Variants in KIAA0232 observed in about 807,000 individuals in gnomAD.
KIAA0232 encodes KIAA0232.
KIAA0232 carries 27 observed loss-of-function variants against 122.0 expected under a neutral mutation model. That is an observed-to-expected ratio of 0.22 (90% confidence interval 0.16 to 0.31). The LOEUF is 0.31. Among genes scored for constraint, KIAA0232 ranks in the 10% least tolerant of loss-of-function variants. KIAA0232 has a pLI of 1.00. For synonymous variants in KIAA0232, 613 were observed against 587.6 expected (o/e 1.04, Z -0.63); for missense variants, 1,551 against 1,634.2 (o/e 0.95, Z 0.88).
At chr4:6,867,932 T>C (rs984167857) in intron 7 of KIAA0232, among the ~76,000 whole-genome samples, 3 of 152,258 alleles carry the variant, frequency 2.0e-5, no homozygotes, top group Non-Finnish European at 4.4e-5. Context: ...CCAGCAGTTC[T>C]GTGTCTCTTG....
intron 4 of KIAA0232, among the ~76,000 whole-genome samples, chr4:6,845,339 G>A (rs1278825342): frequency 6.6e-6 from 1 of 152,152 alleles, no homozygotes; most frequent in African/African-American, 2.4e-5. Flanking sequence ...TGGTTAAAAT[G>A]GTGGGTTTTT....
chr4:6,797,625 G>A (rs926644251), intron 1 of KIAA0232, among the ~76,000 whole-genome samples: 2 of 151,746 alleles, frequency 1.3e-5, no homozygotes, highest in African/African-American at 2.4e-5. Flanking sequence ...ACCTAGCTGG[G>A]TGTAGTGGTG....
intron 1 of KIAA0232, among the ~76,000 whole-genome samples, chr4:6,797,535 C>T (rs1182240176): frequency 6.6e-6 from 1 of 151,912 alleles, no homozygotes; most frequent in African/African-American, 2.4e-5. Context: ...TTTGGGAGGC[C>T]AAGGCAGGAG....
intron 2 of KIAA0232, among the ~76,000 whole-genome samples, chr4:6,809,858 G>C (rs980920391): frequency 6.6e-6 from 1 of 152,018 alleles, no homozygotes; most frequent in Non-Finnish European, 1.5e-5. Context: ...AAGGTACCTA[G>C]GAATACATTT....
At chr4:6,856,010 T>C (rs1720548593) in intron 4 of KIAA0232, 1 of 208,064 alleles carries the variant, frequency 4.8e-6, no homozygotes, top group Non-Finnish European at 8.4e-6. Flanking sequence ...TTGTCTGGCC[T>C]ATTTTTCTAT....
chr4:6,822,990 C>T (rs1414136647), intron 2 of KIAA0232, among the ~76,000 whole-genome samples: 1 of 145,638 alleles, frequency 6.9e-6, no homozygotes, highest in Admixed American at 6.9e-5. Flanking sequence ...CATGTGTTCT[C>T]ATTGTTCAAT....
intron 6 of KIAA0232, 92 bp downstream of exon 6, chr4:6,858,598 G>T: frequency 1.3e-6 from 1 of 776,808 alleles, no homozygotes; most frequent in South Asian, 1.9e-5. Context: ...TTGTCATCTT[G>T]TTTAGTTTCA....
At chr4:6,877,501 T>C (rs1721821325) in intron 9 of KIAA0232, among the ~76,000 whole-genome samples, 1 of 151,042 alleles carries the variant, frequency 6.6e-6, no homozygotes, top group South Asian at 2.1e-4. Flanking sequence ...CAAAGGGGAG[T>C]TTATTAAGTA....
chr4:6,843,905 G>A (rs949682531), intron 4 of KIAA0232, among the ~76,000 whole-genome samples: 8 of 145,908 alleles, frequency 5.5e-5, no homozygotes, highest in African/African-American at 5.1e-5. Flanking sequence ...CTCACTGGGC[G>A]CAAGGACCGT....
At chr4:6,845,805 A>G (rs1354884611) in intron 4 of KIAA0232, among the ~76,000 whole-genome samples, 2 of 152,198 alleles carry the variant, frequency 1.3e-5, no homozygotes, top group African/African-American at 4.8e-5. Flanking sequence ...GCTGAAATCA[A>G]CTGAAAAGAT....
intron 4 of KIAA0232, 152 bp from the exon 5 acceptor site, chr4:6,857,012 T>G: frequency 2.1e-6 from 1 of 476,978 alleles, no homozygotes; most frequent in Non-Finnish European, 3.6e-6. Flanking sequence ...AACCTATAAT[T>G]TTTAAACTGT....
chr4:6,819,289 GTA>G (rs1223588316), intron 2 of KIAA0232, among the ~76,000 whole-genome samples: 1 of 152,100 alleles, frequency 6.6e-6, no homozygotes, highest in Non-Finnish European at 1.5e-5. Context: ...ACGGTGTACA[GTA>G]TTAATAGATA....
At position 6,863,986 on chromosome 4, in the gene KIAA0232, C is replaced by T; in HGVS notation, c.3604C>T (p.Leu1202Phe). 3 of 1,614,054 alleles carry T rather than the reference C, an allele frequency of 1.9e-6. No homozygotes were observed. Among genetic ancestry groups the T allele is most frequent in the Middle Eastern group, 1.6e-4 (1 of 6,062 alleles). Residue 1202 changes from leucine to phenylalanine, a missense_variant, in exon 7 of 10, where the codon CTT (leucine) becomes TTT (phenylalanine). Leu to Phe is a conservative substitution (Grantham distance 22). Around this residue, in one of 5 missense-constraint regions of KIAA0232, gnomAD observed 1,108 missense variants for 1,154.8 expected, o/e 0.96. Coordinates refer to ENST00000307659, the MANE Select transcript of KIAA0232 (RefSeq NM_014743.3). Reference protein sequence around the residue: ...LDSQEESTGILSVGKQNQCLE... With the variant: ...LDSQEESTGIFSVGKQNQCLE... ...TTCCCAGGAGGAATCAACTGGGATT[C>T]TTTCAGTAGGAAAGCAAAATCAGTG... is the stretch of plus-strand genomic sequence containing the variant.
At chr4:6,806,924 T>G (rs1053412122) in intron 2 of KIAA0232, among the ~76,000 whole-genome samples, 5 of 152,078 alleles carry the variant, frequency 3.3e-5, no homozygotes, top group African/African-American at 1.2e-4. Flanking sequence ...CTCATTTGTT[T>G]TGTTTTAATA....
chr4:6,842,162 A>C lies in KIAA0232; in HGVS notation c.327A>C (p.Lys109Asn). The change falls in exon 4 of 10, where the codon AAA becomes AAC. Residue 109 changes from lysine (K) to asparagine (N), a missense_variant. Coordinates refer to ENST00000307659, the MANE Select transcript of KIAA0232 (RefSeq NM_014743.3). ...CAGATCTAACTCTAGAAGAAATGAA[A>C]AAACAGGCTGCTGTCCAGTGTCTTC... ...KCSDLTLEEM[K>N]KQAAVQCLRS... 1 of 1,610,550 alleles carries C rather than the reference A, an allele frequency of 6.2e-7. No homozygotes were observed. The highest frequency in any genetic ancestry group is 8.5e-7 in the Non-Finnish European group (1 of 1,178,882).
intron 4 of KIAA0232, among the ~76,000 whole-genome samples, chr4:6,856,140 T>G (rs1046779572): frequency 6.6e-6 from 1 of 152,220 alleles, no homozygotes; most frequent in Admixed American, 6.5e-5. Context: ...GGATTTCTTA[T>G]GTAGGATATC....
chr4:6,799,399 G>T (rs994461949), intron 1 of KIAA0232, among the ~76,000 whole-genome samples: 6 of 151,236 alleles, frequency 4.0e-5, no homozygotes, highest in Admixed American at 1.3e-4. Flanking sequence ...TTTTTTGGGG[G>T]AAACAGTTCA....
rs567309979 is a variant in KIAA0232, at chr4:6,796,542, A to G, written c.-353-7981A>G. 5.1e-4 allele frequency among the ~76,000 whole-genome samples: 77 copies of G among 152,200 alleles called. 1 individual carries two copies. The Middle Eastern group carries it at 0.01, about 20-fold the overall frequency. The stretch of plus-strand genomic sequence containing the variant: ...CAGGCGTGAGCCACCACACCCGACC[A>G]TATTGTTCTTTTTTAAGTGAGTTTC... On this transcript the variant is annotated intron_variant, in intron 1 of 9. Coordinates refer to ENST00000307659, the MANE Select transcript of KIAA0232 (RefSeq NM_014743.3).
intron 1 of KIAA0232, among the ~76,000 whole-genome samples, chr4:6,793,096 T>G (rs1273438977): frequency 1.3e-5 from 2 of 152,192 alleles, no homozygotes; most frequent in African/African-American, 4.8e-5. Context: ...TAAGAACCCC[T>G]CATCCTCTCA....
Sources: gnomAD v4.1 joint callset for allele counts (sites outside exome capture counted in the v4.1 genomes callset) on GRCh38, gnomAD v4.1.1 for gene constraint, gnomAD v4.1.1 regional missense constraint, MANE v1.5 for transcripts, NCBI Gene and HGNC (gene_info 2026-07-23, HGNC 2026-07-21) for gene names.